GGT1: variants seen among roughly 807,000 people sequenced by gnomAD.
GGT1 encodes glutathione hydrolase 1 proenzyme.
In GGT1, 21 loss-of-function variants were observed where a neutral mutation model predicts 56.0. That is an observed-to-expected ratio of 0.38 (90% CI 0.27 to 0.54). GGT1 has a LOEUF of 0.54. GGT1 is among the 20% of genes least tolerant of loss of function. The probability of loss-of-function intolerance (pLI) is 0.82; values close to 1 mark genes in which losing one functional copy is unlikely to be tolerated. For missense variants in GGT1, 466 were observed against 787.0 expected, an observed-to-expected ratio of 0.59 and a Z score of 4.88; for synonymous variants, 238 against 342.6, an observed-to-expected ratio of 0.69 and a Z score of 3.37.
intron 1 of GGT1, among the ~76,000 whole-genome samples, chr22:24,597,820 G>T (rs993386144): frequency 6.6e-6 from 1 of 152,208 alleles, no homozygotes; most frequent in Non-Finnish European, 1.5e-5. Flanking sequence ...TTCTGCAGCA[G>T]ACTCCAGCTG....
At chr22:24,601,104 G>A (rs534221423), upstream of GGT1, among the ~76,000 whole-genome samples, 37 of 152,256 alleles carry the variant, frequency 2.4e-4, no homozygotes, top group South Asian at 5.8e-3. Context: ...GACACCAGGA[G>A]ACACAAAATG....
rs1601780939 is a variant in GGT1 at position 24,628,457 on chromosome 22, A to T, written c.1563+69A>T. ...AGGGCATCCTGGGCTGGAGGCCTGG[A>T]TCATCACAGAGTGGACAATGGTTGG... On this transcript the variant is annotated intron_variant, in intron 15 of 15. Transcript: ENST00000400382. This position sits in a 1 kb window ranked among gnomAD's most constrained non-coding sequence, Gnocchi z 5.7. 20 of 1,601,894 alleles carry T rather than the reference A, an allele frequency of 1.2e-5. No individual in the cohort carries two copies. In the East Asian group the frequency reaches 4.2e-4, roughly 34 times the overall value.
the GGT1 span, chr22:24,585,579 CCAG>C: frequency 2.3e-6 from 1 of 440,092 alleles, no homozygotes; most frequent in Admixed American, 4.0e-5. Context: ...TCTCCCCACC[CCAG>C]CAGCAGGGCT....
At chr22:24,614,104 G>A (rs2046885272) in intron 5 of GGT1, among the ~76,000 whole-genome samples, 1 of 152,020 alleles carries the variant, frequency 6.6e-6, no homozygotes, top group South Asian at 2.1e-4. Context: ...CACTTTGGGA[G>A]GCCAAGGTGG....
rs747620357 is a variant in GGT1, at chr22:24,620,328, G to A, written c.383G>A (p.Gly128Glu). 3.5e-5 allele frequency: 57 copies of A among 1,611,566 alleles called. No homozygotes were observed. The highest frequency in any genetic ancestry group is 2.8e-4 in the Admixed American group (17 of 59,954). The part of the protein sequence containing the change: ...MFNSSEQSQK[G>E]GLSVAVPGEI... Reference sequence around the variant, plus strand: ...ACTAACTATGGCTCTCTCTCCCCAGGGGGGCTGTCGGTGGCGGTGCCTGGG... The same window carrying A: ...ACTAACTATGGCTCTCTCTCCCCAGAGGGGCTGTCGGTGGCGGTGCCTGGG... The change falls in exon 8 of 16, where the codon GGG becomes GAG. Residue 128 changes from glycine to glutamate, a missense_variant and splice_region_variant. Transcript: ENST00000400382. This position sits in a 1 kb window ranked among gnomAD's most constrained non-coding sequence, Gnocchi z 5.6.
At chr22:24,596,767 G>T (rs1340782733) in intron 1 of GGT1, among the ~76,000 whole-genome samples, 1 of 131,162 alleles carries the variant, frequency 7.6e-6, no homozygotes, top group Non-Finnish European at 1.6e-5. Context: ...AAAAAAATTA[G>T]CCTGGTGTGG....
upstream of GGT1, among the ~76,000 whole-genome samples, chr22:24,593,861 G>A (rs2045642527): frequency 6.6e-6 from 1 of 152,188 alleles, no homozygotes. Flanking sequence ...ACGCTACATG[G>A]ACACTCCTGC....
chr22:24,623,838 C>T lies in GGT1; in HGVS notation c.942C>T (p.His314=), dbSNP rs1483858155. The change falls in exon 11 of 16, where the codon CAC becomes CAT. Residue 314 remains histidine (H), a synonymous_variant. Coordinates refer to ENST00000400382, the MANE Select transcript of GGT1 (RefSeq NM_001288833.2). ...ESPEQKGLTY[H]RIVEAFRFAY... is the part of the protein sequence containing the mutation. ...CCGAGCAGAAGGGCCTGACGTACCA[C>T]CGCATCGTAGAGGCTTTCCGGTTTG... 3 of 1,611,948 alleles carry T rather than the reference C, an allele frequency of 1.9e-6. No homozygotes were observed. The highest frequency in any genetic ancestry group is 2.5e-6 in the Non-Finnish European group (3 of 1,179,842).
chr22:24,592,843 C>T (rs1807809774), upstream of GGT1: 8 of 1,274,696 alleles, frequency 6.3e-6, no homozygotes, highest in Non-Finnish European at 7.9e-6. Context: ...AGCCCAGGGG[C>T]GGACGGCTCC....
chr22:24,593,135 G>A (rs1467947231), upstream of GGT1: 12 of 1,000,452 alleles, frequency 1.2e-5, no homozygotes, highest in Non-Finnish European at 1.4e-5. Flanking sequence ...CAATCACCGC[G>A]GCCCTGCCCC....
chr22:24,611,592 ATCTATCTACTAT>A (rs901796494), intron 5 of GGT1, among the ~76,000 whole-genome samples: 19 of 145,030 alleles, frequency 1.3e-4, no homozygotes, highest in South Asian at 2.2e-4. Flanking sequence ...CTATCTATCT[ATCTATCTACTAT>A]CTATCTATCT....
chr22:24,599,752 G>A (rs142680913), upstream of GGT1, among the ~76,000 whole-genome samples: 594 of 152,310 alleles, frequency 3.9e-3, 13 homozygotes, highest in East Asian at 0.013. Flanking sequence ...GTCAGTGAGA[G>A]CATTCCTGAG....
At chr22:24,588,771 T>C in the GGT1 span, 1 of 1,025,374 alleles carries the variant, frequency 9.8e-7, no homozygotes, top group Non-Finnish European at 1.2e-6. Context: ...GTCAGCGTGT[T>C]CTTCTTCCTC....
At chr22:24,588,549 C>G in the GGT1 span, 1 of 779,474 alleles carries the variant, frequency 1.3e-6, no homozygotes, top group South Asian at 1.9e-5. Flanking sequence ...ACAGGCTGGT[C>G]CAGTCCCGCA....
At chr22:24,600,429 T>G (rs2045764018), upstream of GGT1, among the ~76,000 whole-genome samples, 1 of 152,264 alleles carries the variant, frequency 6.6e-6, no homozygotes. Context: ...CTCTGAGTTT[T>G]GGAGCTGGAC....
chr22:24,628,009 C>T lies in GGT1; in HGVS notation c.1336+30C>T, dbSNP rs771392726. ...GGGGTGGAGGTCCGGGGGTGGGGGA[C>T]TGGGGTGGAGAGGGGCGGGTGTCCT... is the stretch of plus-strand genomic sequence containing the variant. On this transcript the variant is annotated intron_variant, in intron 13 of 15. Coordinates refer to ENST00000400382, the MANE Select transcript of GGT1 (RefSeq NM_001288833.2). The surrounding 1 kb of genome is among the most constrained non-coding windows in gnomAD (Gnocchi z 5.7). 2 of 738,146 alleles carry T rather than the reference C, an allele frequency of 2.7e-6. No individual in the cohort carries two copies. The highest frequency in any genetic ancestry group is 2.2e-6 in the Non-Finnish European group (1 of 464,160). The allele number at this position is 738,146 out of a possible 1,614,324, so 45.7% of individuals were successfully genotyped here.
In GGT1 at chr22:24,628,259, C is replaced by T; in HGVS notation, c.1450-16C>T. ...CACAGCCCCCAAGCCATGCTGATCACACTCCCATGCCCCAGGCCATCATCT... is the reference window on the plus strand; with the variant it reads ...CACAGCCCCCAAGCCATGCTGATCATACTCCCATGCCCCAGGCCATCATCT... On this transcript the variant is annotated splice_polypyrimidine_tract_variant and intron_variant, in intron 14 of 15. Coordinates refer to ENST00000400382, the MANE Select transcript of GGT1 (RefSeq NM_001288833.2). This position sits in a 1 kb window ranked among gnomAD's most constrained non-coding sequence, Gnocchi z 5.7. 6.2e-7 allele frequency: 1 copy of T among 1,612,018 alleles called. No individual in the cohort carries two copies.
the GGT1 span, chr22:24,588,463 A>G: frequency 5.4e-5 from 43 of 793,208 alleles, no homozygotes; most frequent in East Asian, 1.2e-3. Flanking sequence ...GTTGCCCACC[A>G]GGGCCTCCCC....
chr22:24,606,046 C>A (rs9612666), intron 1 of GGT1, among the ~76,000 whole-genome samples: 2,476 of 35,776 alleles, frequency 0.069, 658 homozygotes, highest in African/African-American at 0.29. Context: ...TATAATATAT[C>A]ATATATTATA....
Sources: gnomAD v4.1 joint callset for allele counts (sites outside exome capture counted in the v4.1 genomes callset) on GRCh38, gnomAD v4.1.1 for gene constraint, Gnocchi (gnomAD v3.1) non-coding constraint, MANE v1.5 for transcripts, NCBI Gene and HGNC (gene_info 2026-07-23, HGNC 2026-07-21) for gene names.